CYP3A5: variants seen among roughly 807,000 people sequenced by gnomAD.
CYP3A5 encodes the protein cytochrome P450 family 3 subfamily A member 5.
In CYP3A5, 51 loss-of-function variants were observed where a neutral mutation model predicts 55.9. The ratio of observed to expected loss-of-function variants is 0.91; its 90% CI spans 0.73 to 1.15. The LOEUF (loss-of-function observed/expected upper bound fraction) is 1.15, where lower values mean the gene tolerates loss of function less well. Ranked by LOEUF, CYP3A5 falls within the 50% of genes most tolerant of loss-of-function variation. The probability of loss-of-function intolerance (pLI) is 0.00; values close to 1 mark genes in which losing one functional copy is unlikely to be tolerated. For synonymous variants in CYP3A5, 196 were observed against 213.9 expected, an observed-to-expected ratio of 0.92 and a Z score of 0.73; for missense variants, 533 against 596.6, an observed-to-expected ratio of 0.89 and a Z score of 1.11.
At chr7:99,649,437 T>C (rs1477612219) in intron 12 of CYP3A5, among the ~76,000 whole-genome samples, 4 of 152,208 alleles carry the variant, frequency 2.6e-5, no homozygotes, top group Admixed American at 2.6e-4. Flanking sequence ...AATCTTTCTT[T>C]AAATGTATCA....
rs779989195 is a variant in CYP3A5, at chr7:99,662,878, C to T, written c.803G>A (p.Arg268Gln). ...AATCATCAGCTGAAGGAAATCTAGT[C>T]GGTGCTAGAAGCAAAAGGAGAGATT... ...KSRLNDKQKH[R>Q]LDFLQLMIDS... is the part of the protein sequence containing the mutation. Residue 268 changes from arginine (R) to glutamine (Q), a missense_variant, in exon 9 of 13, where the codon CGA (arginine) becomes CAA (glutamine). Coordinates refer to ENST00000222982, the MANE Select transcript of CYP3A5 (RefSeq NM_000777.5). This position sits in a 1 kb window ranked among gnomAD's most constrained non-coding sequence, Gnocchi z 4.3. The T allele has an allele frequency of 1.9e-5, 31 of 1,613,570 alleles. No homozygotes were observed. Among genetic ancestry groups the T allele is most frequent in the Middle Eastern group, 3.3e-4 (2 of 6,084 alleles).
At chr7:99,672,884 A>G in intron 3 of CYP3A5, 1 of 1,390,318 alleles carries the variant, frequency 7.2e-7, no homozygotes, top group Non-Finnish European at 9.3e-7. Flanking sequence ...TCATATGATG[A>G]AGGGTAATGT....
At chr7:99,655,537 G>C (rs1809628196) in intron 10 of CYP3A5, among the ~76,000 whole-genome samples, 1 of 152,162 alleles carries the variant, frequency 6.6e-6, no homozygotes, top group Non-Finnish European at 1.5e-5. Context: ...TGTTCTTTTG[G>C]CTTAGGATTG....
chr7:99,672,738 A>G lies in CYP3A5; in HGVS notation c.219-59T>C. 20 of 1,609,448 alleles carry G rather than the reference A, an allele frequency of 1.2e-5. No homozygotes were observed. The South Asian group carries it at 2.1e-4, about 17-fold the overall frequency. On this transcript the variant is annotated intron_variant, in intron 3 of 12. Transcript: ENST00000222982. The stretch of plus-strand genomic sequence containing the variant: ...CTAGCCCGATTCTGCAGCTGGAGCC[A>G]CACCCAGGAAGCCAGACTTTGATCA...
chr7:99,677,090 ATC>A (rs1425746081), intron 1 of CYP3A5: 2 of 738,002 alleles, frequency 2.7e-6, no homozygotes, highest in Non-Finnish European at 3.3e-6. Context: ...TACGTGAAGT[ATC>A]TCTGAGGAAA....
Position 99,652,591 on chromosome 7 carries a change from TG to T in CYP3A5, c.1214del (p.Pro405GlnfsTer22). On this transcript the variant is annotated frameshift_variant, in exon 11 of 13. Transcript: ENST00000222982. LOFTEE classifies it high-confidence loss of function. ...VIPTYALHHDPKYWTEPEEFR... is the reference protein window; with the variant it reads ...VIPTYALHHDXKYWTEPEEFR... Reference sequence around the variant, plus strand: ...ACTCCTCAGGCTCTGTCCAGTACTTTGGGTCATGGTGAAGAGCATAAGTTGG... The same window carrying T: ...ACTCCTCAGGCTCTGTCCAGTACTTTGGTCATGGTGAAGAGCATAAGTTGG... 1.2e-6 allele frequency: 2 copies of T among 1,613,872 alleles called. No homozygotes were observed. The highest frequency in any genetic ancestry group is 2.2e-5 in the South Asian group (2 of 91,060).
intron 10 of CYP3A5, among the ~76,000 whole-genome samples, chr7:99,656,171 A>T (rs1190015678): frequency 1.3e-5 from 2 of 152,150 alleles, no homozygotes; most frequent in Non-Finnish European, 2.9e-5. Flanking sequence ...TTTCAAAGGG[A>T]ATGATTCCAG....
chr7:99,674,491 A>G, intron 3 of CYP3A5, 42 bp downstream of exon 3: 1 of 1,530,086 alleles, frequency 6.5e-7, no homozygotes, highest in Admixed American at 1.7e-5. Flanking sequence ...TAACCTCCTC[A>G]CAGTAGCAGG....
intron 4 of CYP3A5, among the ~76,000 whole-genome samples, chr7:99,669,848 A>G (rs1168526807): frequency 6.6e-6 from 1 of 152,238 alleles, no homozygotes; most frequent in African/African-American, 2.4e-5. Context: ...ATATAGCTAC[A>G]GATGCTGCCC....
At chr7:99,676,038 G>C in intron 2 of CYP3A5, 77 bp downstream of exon 2, 1 of 1,278,068 alleles carries the variant, frequency 7.8e-7, no homozygotes. Flanking sequence ...CCCTCCCAAG[G>C]AGGGGCATTT....
intron 1 of CYP3A5, 135 bp downstream of exon 1, chr7:99,679,691 C>T (rs1812647047): frequency 7.9e-6 from 6 of 759,608 alleles, no homozygotes; most frequent in South Asian, 3.2e-5. Context: ...AACTTCTATG[C>T]GTTTGTAGCG....
At chr7:99,664,285 C>T (rs1015085221) in intron 7 of CYP3A5, among the ~76,000 whole-genome samples, 190 bp from the exon 8 acceptor site, 1 of 152,200 alleles carries the variant, frequency 6.6e-6, no homozygotes, top group East Asian at 1.9e-4. Context: ...ACATAGGAAA[C>T]ACCACTACAG....
At chr7:99,668,538 T>C (rs1811263043) in intron 4 of CYP3A5, among the ~76,000 whole-genome samples, 1 of 152,190 alleles carries the variant, frequency 6.6e-6, no homozygotes, top group South Asian at 2.1e-4. Context: ...GTGAACTTCG[T>C]AGACAACAAT....
intron 4 of CYP3A5, 31 bp downstream of exon 4, chr7:99,672,549 A>C: frequency 6.5e-7 from 1 of 1,546,854 alleles, no homozygotes; most frequent in Non-Finnish European, 8.9e-7. Flanking sequence ...TGGATCAATC[A>C]TTATTTAAAT....
intron 1 of CYP3A5, 84 bp from the exon 2 acceptor site, chr7:99,676,292 G>A: frequency 6.3e-7 from 1 of 1,598,800 alleles, no homozygotes; most frequent in Non-Finnish European, 8.5e-7. Context: ...AACTGGAATG[G>A]TCAAGAGAGG....
chr7:99,661,055 C>T (rs1810393273), intron 9 of CYP3A5, among the ~76,000 whole-genome samples: 1 of 152,140 alleles, frequency 6.6e-6, no homozygotes, highest in Non-Finnish European at 1.5e-5. Flanking sequence ...TGATTTTCTA[C>T]AATAGAGCTT....
At position 99,663,998 on chromosome 7, in the gene CYP3A5, C is replaced by T. The variant is rs1810712852; in HGVS notation, c.768G>A (p.Met256Ile). Residue 256 changes from methionine to isoleucine, a missense_variant, in exon 8 of 13, where the codon ATG (methionine) becomes ATA (isoleucine). Met to Ile is a conservative substitution (Grantham distance 10, BLOSUM62 1). Coordinates refer to ENST00000222982, the MANE Select transcript of CYP3A5 (RefSeq NM_000777.5). ...INFLSKSVNR[M>I]KKSRLNDKQK... ...GTTTGTCGTTGAGGCGACTTTTCTTCATTCTGTTTACAGATTTACTTAAAA... is the reference window on the plus strand; with the variant it reads ...GTTTGTCGTTGAGGCGACTTTTCTTTATTCTGTTTACAGATTTACTTAAAA... 6.3e-7 allele frequency: 1 copy of T among 1,592,166 alleles called. No homozygotes were observed. Among genetic ancestry groups the T allele is most frequent in the African/African-American group, 1.4e-5 (1 of 73,412 alleles).
rs1474798132 is a variant in CYP3A5 at position 99,665,170 on chromosome 7, T to C, written c.666A>G (p.Ser222=). 5 of 1,608,958 alleles carry C rather than the reference T, an allele frequency of 3.1e-6. No homozygotes were observed. The East Asian group carries it at 1.1e-4, about 36-fold the overall frequency. Residue 222 remains serine (S), a synonymous_variant, in exon 7 of 13, where the codon TCA becomes TCG. Coordinates refer to ENST00000222982, the MANE Select transcript of CYP3A5 (RefSeq NM_000777.5). ...AAGAAATAATAGCCCACATACTTAT[T>C]GAGAGAAATAATGGATCTAAGAAAC... ...KFGFLDPLFL[S]IILFPFLTPV... is the part of the protein sequence containing the mutation.
rs537309311 is a variant in CYP3A5, at chr7:99,649,946, A to G, written c.1413+127T>C. Reference sequence around the variant, plus strand: ...ACTGAAGCATCCTTAATGATCAAAGATGGATCCAAGTAGGTTCTTTGGCCC... The same window carrying G: ...ACTGAAGCATCCTTAATGATCAAAGGTGGATCCAAGTAGGTTCTTTGGCCC... On this transcript the variant is annotated intron_variant, in intron 12 of 12. Coordinates refer to ENST00000222982, the MANE Select transcript of CYP3A5 (RefSeq NM_000777.5). 2.5e-6 allele frequency: 3 copies of G among 1,203,050 alleles called. No homozygotes were observed. In the African/African-American group the frequency reaches 4.6e-5, roughly 19 times the overall value. The allele number at this position is 1,203,050 out of a possible 1,614,324, so 74.5% of individuals were successfully genotyped here.
Sources: allele counts gnomAD v4.1 joint callset (sites outside exome capture counted in the v4.1 genomes callset), GRCh38; gene constraint gnomAD v4.1.1; non-coding constraint Gnocchi (gnomAD v3.1); transcripts MANE v1.5; gene names NCBI Gene and HGNC (gene_info 2026-07-23, HGNC 2026-07-21).